Variants in NCALD observed in about 807,000 individuals in gnomAD.
The protein encoded by NCALD is neurocalcin delta.
Under a neutral mutation model 18.6 loss-of-function variants are expected in NCALD, and 10 were observed. That is an observed-to-expected ratio of 0.54 (90% CI 0.33 to 0.91). The LOEUF (loss-of-function observed/expected upper bound fraction) is 0.91. Ranked by LOEUF, NCALD falls within the 40% of genes least tolerant of loss-of-function variation. The pLI is 0.03. For synonymous variants in NCALD, 88 were observed against 87.4 expected, an observed-to-expected ratio of 1.01 and a Z score of -0.04; for missense variants, 184 against 247.6, an observed-to-expected ratio of 0.74 and a Z score of 1.72.
intron 4 of NCALD, among the ~76,000 whole-genome samples, chr8:101,873,286 T>C (rs1355367797): frequency 6.6e-6 from 1 of 152,260 alleles, no homozygotes; most frequent in Non-Finnish European, 1.5e-5. Context: ...TGGCTTTTTC[T>C]TTCCTCCCAA....
At chr8:101,949,299 C>G (rs2131800610) in intron 2 of NCALD, among the ~76,000 whole-genome samples, 1 of 152,206 alleles carries the variant, frequency 6.6e-6, no homozygotes, top group Admixed American at 6.5e-5. Flanking sequence ...GACGCACACT[C>G]AGGATTTGAA....
intron 1 of NCALD, among the ~76,000 whole-genome samples, chr8:102,098,338 C>A (rs980069558): frequency 2.0e-4 from 31 of 152,304 alleles, no homozygotes; most frequent in African/African-American, 5.8e-4. Context: ...CCTCACCAGG[C>A]CCCAGTTTGA....
chr8:101,788,539 G>A (rs1032212577), intron 1 of NCALD: 8 of 152,264 alleles, frequency 5.3e-5, no homozygotes, highest in Middle Eastern at 3.4e-3. Flanking sequence ...ATGTAATAAT[G>A]TGTTACTAAC....
chr8:101,735,284 C>A (rs1276918985), intron 1 of NCALD, among the ~76,000 whole-genome samples: 2 of 152,198 alleles, frequency 1.3e-5, no homozygotes, highest in Admixed American at 6.5e-5. Context: ...AACCAGTCCT[C>A]TGGCTAACCT....
intron 2 of NCALD, among the ~76,000 whole-genome samples, chr8:101,968,536 C>A (rs753690795): frequency 6.6e-6 from 1 of 152,172 alleles, no homozygotes; most frequent in Non-Finnish European, 1.5e-5. Flanking sequence ...GCTCTGCTGT[C>A]ACACCTGAGT....
chr8:102,096,092 C>T (rs1311395702), intron 1 of NCALD, among the ~76,000 whole-genome samples: 2 of 152,212 alleles, frequency 1.3e-5, no homozygotes, highest in African/African-American at 2.4e-5. Flanking sequence ...GGGCAGAAAA[C>T]TGATCCAAAG....
chr8:101,965,620 G>C (rs572998451), intron 2 of NCALD, among the ~76,000 whole-genome samples: 2 of 152,092 alleles, frequency 1.3e-5, no homozygotes, highest in African/African-American at 2.4e-5. Flanking sequence ...GTTGTGGGGT[G>C]GGGGGCCAGG....
intron 1 of NCALD, among the ~76,000 whole-genome samples, chr8:102,085,482 T>A (rs184903448): frequency 6.6e-6 from 1 of 152,300 alleles, no homozygotes; most frequent in East Asian, 1.9e-4. Context: ...TGGCTAGGCA[T>A]GGTGGCTCAT....
Position 101,956,609 on chromosome 8 carries a change from G to C in NCALD, c.-156-40751C>G, listed in dbSNP as rs139137951. On this transcript the variant is annotated intron_variant, in intron 2 of 6. Transcript: ENST00000311028. ...AGGGAGAGGGAGGTGGAGAGAGAGA[G>C]AGACAGACACAGAGAGAGAGAGAGA... 9.2e-3 allele frequency among the ~76,000 whole-genome samples: 1,405 copies of C among 152,142 alleles called. 15 individuals carry two copies. The highest frequency in any genetic ancestry group is 0.027 in the Middle Eastern group (8 of 294).
At chr8:102,046,144 G>C (rs939451205) in intron 1 of NCALD, among the ~76,000 whole-genome samples, 1 of 152,160 alleles carries the variant, frequency 6.6e-6, no homozygotes, top group African/African-American at 2.4e-5. Context: ...GCCTGAAATT[G>C]CATCAAGTAT....
intron 1 of NCALD, among the ~76,000 whole-genome samples, chr8:102,064,550 T>C (rs1823944127): frequency 6.6e-6 from 1 of 152,224 alleles, no homozygotes; most frequent in East Asian, 1.9e-4. Flanking sequence ...ATTCACTCCC[T>C]TTCTCAGACA....
chr8:102,085,369 T>A (rs140277588), intron 1 of NCALD, among the ~76,000 whole-genome samples: 1 of 152,202 alleles, frequency 6.6e-6, no homozygotes, highest in Non-Finnish European at 1.5e-5. Flanking sequence ...TAAACTCCTA[T>A]CTATGCAGCA....
chr8:102,097,968 G>A (rs1047552880), intron 1 of NCALD, among the ~76,000 whole-genome samples: 6 of 152,208 alleles, frequency 3.9e-5, no homozygotes, highest in South Asian at 2.1e-4. Context: ...TTCAGAAGAC[G>A]TCATTCACAC....
intron 4 of NCALD, among the ~76,000 whole-genome samples, chr8:101,811,184 C>A (rs1314704841): frequency 6.6e-6 from 1 of 152,090 alleles, no homozygotes. Flanking sequence ...TTAAAGTTGC[C>A]AATCAGCTGA....
chr8:101,807,508 T>C (rs1342163150), intron 4 of NCALD, among the ~76,000 whole-genome samples: 1 of 152,122 alleles, frequency 6.6e-6, no homozygotes, highest in Non-Finnish European at 1.5e-5. Flanking sequence ...ATTAAATCAT[T>C]TGCCCAGGAT....
intron 1 of NCALD, among the ~76,000 whole-genome samples, chr8:102,099,975 C>T (rs1825222663): frequency 7.6e-6 from 1 of 131,160 alleles, no homozygotes; most frequent in Non-Finnish European, 1.6e-5. Context: ...GAGCAAGACT[C>T]TGTCTCAAAA....
intron 1 of NCALD, among the ~76,000 whole-genome samples, chr8:102,113,994 G>A (rs184610617): frequency 1.8e-4 from 27 of 152,324 alleles, no homozygotes; most frequent in Admixed American, 6.5e-4. Context: ...CCCTCAAGGG[G>A]GTCACTCCGT....
At chr8:101,706,650 C>T (rs919636138) in intron 2 of NCALD, among the ~76,000 whole-genome samples, 1 of 152,158 alleles carries the variant, frequency 6.6e-6, no homozygotes, top group Non-Finnish European at 1.5e-5. Flanking sequence ...AATTTGAGTG[C>T]TCCTTAATCC....
chr8:101,814,981 A>G (rs915801334), intron 4 of NCALD, among the ~76,000 whole-genome samples: 1 of 152,154 alleles, frequency 6.6e-6, no homozygotes, highest in Non-Finnish European at 1.5e-5. Flanking sequence ...AACTAAATAA[A>G]TAAAGAGATA....
Sources: gnomAD v4.1 joint callset for allele counts (sites outside exome capture counted in the v4.1 genomes callset) on GRCh38, gnomAD v4.1.1 for gene constraint, MANE v1.5 for transcripts, NCBI Gene and HGNC (gene_info 2026-07-23, HGNC 2026-07-21) for gene names.